Variants in CCDC91 observed in about 807,000 individuals in gnomAD.
CCDC91 encodes coiled-coil domain containing 91.
CCDC91 carries 48 observed loss-of-function variants against 63.2 expected under a neutral mutation model. That is an observed-to-expected ratio of 0.76 (90% confidence interval 0.60 to 0.97). The LOEUF is 0.97. Among genes scored for constraint, CCDC91 ranks in the 50% least tolerant of loss-of-function variants. CCDC91 has a pLI of 0.00. For synonymous variants in CCDC91, 167 were observed against 165.8 expected (o/e 1.01, Z -0.06); for missense variants, 500 against 494.6 (o/e 1.01, Z -0.10).
intron 11 of CCDC91, among the ~76,000 whole-genome samples, chr12:28,474,695 A>G (rs1950991779): frequency 6.6e-6 from 1 of 152,146 alleles, no homozygotes; most frequent in Non-Finnish European, 1.5e-5. Context: ...CATTCTCCAC[A>G]CTGAAAACTC....
intron 6 of CCDC91, among the ~76,000 whole-genome samples, chr12:28,332,263 A>T (rs1941577800): frequency 6.6e-6 from 1 of 152,182 alleles, no homozygotes; most frequent in African/African-American, 2.4e-5. Flanking sequence ...AGGTCCAGAT[A>T]GTACCACGAT....
intron 3 of CCDC91, chr12:28,302,595 G>T: frequency 4.1e-6 from 4 of 974,168 alleles, no homozygotes; most frequent in Non-Finnish European, 3.7e-6. Flanking sequence ...GGTCACAGAG[G>T]TCAGTACCTC....
intron 12 of CCDC91, among the ~76,000 whole-genome samples, chr12:28,502,698 A>G (rs368667965): frequency 6.5e-4 from 89 of 136,784 alleles, no homozygotes; most frequent in South Asian, 1.4e-3. Context: ...CAAGGCTACA[A>G]TAACCAAAAC....
intron 6 of CCDC91, among the ~76,000 whole-genome samples, chr12:28,339,015 A>G (rs1942219711): frequency 6.6e-6 from 1 of 151,834 alleles, no homozygotes; most frequent in Admixed American, 6.6e-5. Flanking sequence ...TAATTTTTAT[A>G]TTTTTAGTAG....
chr12:28,359,435 C>G (rs1451698913), intron 6 of CCDC91, among the ~76,000 whole-genome samples: 1 of 151,794 alleles, frequency 6.6e-6, no homozygotes, highest in Non-Finnish European at 1.5e-5. Context: ...TAAAGATTGT[C>G]GAATTTTTTT....
chr12:28,332,058 G>A (rs1259606497), intron 6 of CCDC91, among the ~76,000 whole-genome samples: 1 of 151,998 alleles, frequency 6.6e-6, no homozygotes, highest in Non-Finnish European at 1.5e-5. Context: ...GTTTCATTAA[G>A]GTTTTTACAA....
chr12:28,458,332 C>T, intron 11 of CCDC91, among the ~76,000 whole-genome samples: 1 of 150,026 alleles, frequency 6.7e-6, no homozygotes, highest in Admixed American at 6.7e-5. Context: ...TTTTTTCCTT[C>T]TATTATATTT....
At chr12:28,517,696 C>A (rs1396032655) in intron 12 of CCDC91, among the ~76,000 whole-genome samples, 2 of 151,768 alleles carry the variant, frequency 1.3e-5, no homozygotes, top group Non-Finnish European at 2.9e-5. Context: ...ATGCTTAACT[C>A]CTTTAGTGGT....
chr12:28,294,876 C>A (rs114779196), intron 3 of CCDC91, among the ~76,000 whole-genome samples: 9 of 152,078 alleles, frequency 5.9e-5, no homozygotes, highest in Non-Finnish European at 1.2e-4. Flanking sequence ...TGAGCTACTA[C>A]GCTTGACCTA....
chr12:28,520,166 A>G (rs1298151402), intron 12 of CCDC91, among the ~76,000 whole-genome samples: 2 of 152,158 alleles, frequency 1.3e-5, no homozygotes, highest in Non-Finnish European at 2.9e-5. Flanking sequence ...ACTATGGTTG[A>G]ACTAGTTTAC....
In CCDC91 at chr12:28,391,309, A is replaced by G. The variant is rs750694108; in HGVS notation, c.660A>G (p.Leu220=). 2.5e-5 allele frequency: 40 copies of G among 1,606,134 alleles called. No homozygotes were observed. The highest frequency in any genetic ancestry group is 3.2e-5 in the Non-Finnish European group (37 of 1,173,148). Residue 220 remains leucine, a synonymous_variant, in exon 8 of 13, where the codon CTA becomes CTG. Transcript: ENST00000536442. The part of the protein sequence containing the change: ...LSIIVDEYKA[L]LQSSVKQQVE... The stretch of plus-strand genomic sequence containing the variant: ...ACTTTTTTGCTTGTTTTCAGGCACT[A>G]CTGCAGTCTTCAGTTAAGCAACAAG...
chr12:28,292,696 T>G (rs1351496106), intron 3 of CCDC91, among the ~76,000 whole-genome samples: 1 of 152,136 alleles, frequency 6.6e-6, no homozygotes, highest in Non-Finnish European at 1.5e-5. Context: ...TTGAAACTAT[T>G]ATGATTATCA....
chr12:28,470,069 A>G (rs1169704448), intron 11 of CCDC91, among the ~76,000 whole-genome samples: 1 of 152,160 alleles, frequency 6.6e-6, no homozygotes, highest in Non-Finnish European at 1.5e-5. Context: ...CAACCAAAAC[A>G]AAAATGGACA....
chr12:28,264,591 G>A (rs1319815836), intron 3 of CCDC91, among the ~76,000 whole-genome samples: 2 of 145,548 alleles, frequency 1.4e-5, no homozygotes. Context: ...CTGTCTGTGT[G>A]TGTGTGTGTG....
intron 6 of CCDC91, among the ~76,000 whole-genome samples, chr12:28,346,952 A>C (rs1942855925): frequency 6.6e-6 from 1 of 152,200 alleles, no homozygotes; most frequent in African/African-American, 2.4e-5. Context: ...CAGGCAAAAG[A>C]CACATAAAAG....
At chr12:28,261,907 C>G (rs1946845905) in intron 3 of CCDC91, among the ~76,000 whole-genome samples, 1 of 151,904 alleles carries the variant, frequency 6.6e-6, no homozygotes, top group Non-Finnish European at 1.5e-5. Context: ...GAAGAATTAA[C>G]TCTTTCTAGA....
rs181689769 is a variant in CCDC91, at chr12:28,499,993, C to T, written c.1215+15828C>T. 4.1e-3 allele frequency among the ~76,000 whole-genome samples: 621 copies of T among 152,210 alleles called. 5 individuals are homozygous for T. Among genetic ancestry groups the T allele is most frequent in the Admixed American group, 0.013 (191 of 15,256 alleles). ...AAAAGCGTTCCTGTTTCTCCACATC[C>T]TCTCCAGCATCTGTTGTTTCCTGAC... is the stretch of plus-strand genomic sequence containing the variant. On this transcript the variant is annotated intron_variant, in intron 12 of 12. Transcript: ENST00000536442.
chr12:28,484,335 A>G (rs967064384), intron 12 of CCDC91, 170 bp downstream of exon 12: 12 of 366,920 alleles, frequency 3.3e-5, no homozygotes, highest in African/African-American at 2.1e-4. Flanking sequence ...AGTTATGTCT[A>G]TAAACATAAA....
intron 8 of CCDC91, among the ~76,000 whole-genome samples, chr12:28,449,845 G>A (rs1249298467): frequency 1.3e-5 from 2 of 151,804 alleles, no homozygotes; most frequent in African/African-American, 2.4e-5. Flanking sequence ...AATCATTTTA[G>A]TGAGTAATTT....
Sources: gnomAD v4.1 joint callset for allele counts (sites outside exome capture counted in the v4.1 genomes callset) on GRCh38, gnomAD v4.1.1 for gene constraint, MANE v1.5 for transcripts, NCBI Gene and HGNC (gene_info 2026-07-23, HGNC 2026-07-21) for gene names.